Variants in CTNS observed in about 807,000 individuals in gnomAD.
CTNS encodes cystinosin.
A neutral mutation model predicts 43.7 loss-of-function variants in CTNS; 27 were observed. The ratio of observed to expected loss-of-function variants is 0.62; its 90% CI spans 0.46 to 0.85. The LOEUF is 0.85. Ranked by LOEUF, CTNS falls within the 40% of genes least tolerant of loss-of-function variation. The pLI is 0.00. For missense variants in CTNS, 457 were observed against 475.4 expected (o/e 0.96, Z 0.36); for synonymous variants, 187 against 190.6 (o/e 0.98, Z 0.16).
Position 3,660,513 on chromosome 17 carries a change from G to C in CTNS, c.*144G>C. ...CAGAGGAGACCACTCTGCTCCTGGG[G>C]CCAGAGGCCATTCAATAGCCTGCCT... On this transcript the variant is annotated 3_prime_UTR_variant, in exon 12 of 12. Transcript: ENST00000046640. 1.2e-6 allele frequency: 2 copies of C among 1,612,476 alleles called. No individual in the cohort carries two copies. The highest frequency in any genetic ancestry group is 2.2e-5 in the South Asian group (2 of 90,898).
Position 3,660,469 on chromosome 17 carries a change from G to T in CTNS, c.*100G>T, listed in dbSNP as rs2076259110. On this transcript the variant is annotated 3_prime_UTR_variant, in exon 12 of 12. Coordinates refer to ENST00000046640, the MANE Select transcript of CTNS (RefSeq NM_004937.3). ...GAAGCGGTTGGGCCCTGGCACACAG[G>T]GCTGGCTCAGTGTGCGGACAGAGGA... is the stretch of plus-strand genomic sequence containing the variant. 6.2e-7 allele frequency: 1 copy of T among 1,612,996 alleles called. No individual in the cohort carries two copies. The highest frequency in any genetic ancestry group is 2.2e-5 in the East Asian group (1 of 44,868).
At chr17:3,649,197 C>T (rs571302940) in intron 5 of CTNS, among the ~76,000 whole-genome samples, 1 of 152,138 alleles carries the variant, frequency 6.6e-6, no homozygotes, top group Non-Finnish European at 1.5e-5. Context: ...GCCTGTAATC[C>T]CAGCACTCTG....
chr17:3,661,244 A>G lies in CTNS; in HGVS notation c.*875A>G. On this transcript the variant is annotated 3_prime_UTR_variant, in exon 12 of 12. Transcript: ENST00000046640. The stretch of plus-strand genomic sequence containing the variant: ...CGACCAGCTCCCCTGGAGCGAGGGC[A>G]GGCCCCTTCCCTCTCTTTCCCCAGA... The G allele has an allele frequency of 5.1e-6, 1 of 197,242 alleles. No homozygotes were observed. Among genetic ancestry groups the G allele is most frequent in the Non-Finnish European group, 1.1e-5 (1 of 94,128 alleles). The allele number at this position is 197,242 out of a possible 1,614,324, so 12.2% of individuals were successfully genotyped here.
chr17:3,637,736 G>A (rs561558501), intron 2 of CTNS, among the ~76,000 whole-genome samples: 1 of 152,272 alleles, frequency 6.6e-6, no homozygotes, highest in East Asian at 1.9e-4. Context: ...CAAAGTGCTG[G>A]GATGACAGGC....
Position 3,658,185 on chromosome 17 carries a change from G to A in CTNS, c.852+10G>A, listed in dbSNP as rs893164410. The stretch of plus-strand genomic sequence containing the variant: ...CAAGTATTTTCCACAGGTACCTCCA[G>A]GGCCCTGTTCACATGGCCGGTGGCA... On this transcript the variant is annotated intron_variant, in intron 10 of 11. Transcript: ENST00000046640. 6.2e-7 allele frequency: 1 copy of A among 1,611,928 alleles called. No homozygotes were observed. Among genetic ancestry groups the A allele is most frequent in the Admixed American group, 1.7e-5 (1 of 60,022 alleles).
intron 3 of CTNS, among the ~76,000 whole-genome samples, chr17:3,646,076 C>T (rs866078237): frequency 2.6e-5 from 4 of 152,028 alleles, no homozygotes; most frequent in Non-Finnish European, 5.9e-5. Flanking sequence ...CCTGCTTCCC[C>T]GCCCGGCCTA....
Position 3,648,685 on chromosome 17 carries a change from T to C in CTNS, c.141-162T>C, listed in dbSNP as rs556571131. ...GTCTCCTGATTAAGACAGGAAGGCCTACGGGAGCACGATTTCCACCTGGCT... is the reference window on the plus strand; with the variant it reads ...GTCTCCTGATTAAGACAGGAAGGCCCACGGGAGCACGATTTCCACCTGGCT... On this transcript the variant is annotated intron_variant, in intron 4 of 11. Transcript: ENST00000046640. 4.6e-5 allele frequency among the ~76,000 whole-genome samples: 7 copies of C among 152,344 alleles called. No homozygotes were observed. In the East Asian group the frequency reaches 1.3e-3, roughly 29 times the overall value.
In CTNS at chr17:3,637,195, C is replaced by T. The variant is rs1168017280; in HGVS notation, c.-141C>T. On this transcript the variant is annotated 5_prime_UTR_variant, in exon 2 of 12. Transcript: ENST00000046640. ...TCCGGGGGACTGAGCAGCACGAGAC[C>T]CCATCCTCCCCTCCGGGTTTTCACA... The T allele has an allele frequency of 6.6e-6, 1 of 152,210 alleles. No homozygotes were observed. The highest frequency in any genetic ancestry group is 1.5e-5 in the Non-Finnish European group (1 of 68,040). The allele number at this position is 152,210 out of a possible 1,614,324, so 9.4% of individuals were successfully genotyped here.
rs58967606 is a variant in CTNS, at chr17:3,650,183, G to A, written c.225+1252G>A. 301 of 1,550,406 alleles carry A rather than the reference G, an allele frequency of 1.9e-4. 1 individual carries two copies. The African/African-American group carries it at 3.5e-3, about 18-fold the overall frequency. On this transcript the variant is annotated intron_variant, in intron 5 of 11. Transcript: ENST00000046640. ...TGATACCTTAATAAAGCTGGTGGAA[G>A]CAGGAGGAGAAGAATGCAGGGATGA...
chr17:3,650,839 G>C (rs1341241069), intron 5 of CTNS, among the ~76,000 whole-genome samples: 1 of 152,090 alleles, frequency 6.6e-6, no homozygotes, highest in Non-Finnish European at 1.5e-5. Context: ...GCTTCACTCT[G>C]TCGCCCAGGT....
At chr17:3,652,680 C>T (rs1423158706) in intron 5 of CTNS, among the ~76,000 whole-genome samples, 1 of 152,172 alleles carries the variant, frequency 6.6e-6, no homozygotes, top group Admixed American at 6.5e-5. Flanking sequence ...TGTCTTGTAT[C>T]GGTCAATCGA....
At position 3,655,066 on chromosome 17, in the gene CTNS, T is replaced by G. The variant is rs780354756; in HGVS notation, c.294T>G (p.Thr98=). The change falls in exon 6 of 12, where the codon ACT becomes ACG. Residue 98 remains threonine (T), a synonymous_variant. Coordinates refer to ENST00000046640, the MANE Select transcript of CTNS (RefSeq NM_004937.3). ...CATCTCAAAATGTTGGACAACTTACTGTTTATCTACATGGAAATCACTCCA... is the reference window on the plus strand; with the variant it reads ...CATCTCAAAATGTTGGACAACTTACGGTTTATCTACATGGAAATCACTCCA... ...QVTSQNVGQL[T]VYLHGNHSNQ... is the part of the protein sequence containing the mutation. 1.2e-6 allele frequency: 2 copies of G among 1,614,150 alleles called. No individual in the cohort carries two copies. Among genetic ancestry groups the G allele is most frequent in the Non-Finnish European group, 1.7e-6 (2 of 1,179,982 alleles).
intron 2 of CTNS, among the ~76,000 whole-genome samples, chr17:3,638,824 C>T (rs2075605048): frequency 6.6e-6 from 1 of 152,196 alleles, no homozygotes; most frequent in Non-Finnish European, 1.5e-5. Context: ...TCCATACACG[C>T]AGGAGGGCAA....
chr17:3,645,219 GAGGCTCCACATAAGGA>G (rs572455904), intron 3 of CTNS, among the ~76,000 whole-genome samples: 83 of 152,328 alleles, frequency 5.4e-4, no homozygotes, highest in Admixed American at 1.1e-3. Context: ...TCCAGGCTCT[GAGGCTCCACATAAGGA>G]AGGGACTGCC....
chr17:3,641,382 ATAT>A (rs1374940267), intron 3 of CTNS, among the ~76,000 whole-genome samples: 9 of 39,964 alleles, frequency 2.3e-4, no homozygotes, highest in African/African-American at 1.1e-3. Flanking sequence ...ATATATATAT[ATAT>A]TTTTTTTTTT....
rs976383818 is a variant in CTNS, at chr17:3,661,890, A to G, written c.*1521A>G. Among the ~76,000 whole-genome samples, 2 of 152,222 alleles carry G rather than the reference A, an allele frequency of 1.3e-5. No homozygotes were observed. The highest frequency in any genetic ancestry group is 2.9e-5 in the Non-Finnish European group (2 of 68,034). On this transcript the variant is annotated 3_prime_UTR_variant, in exon 12 of 12. Coordinates refer to ENST00000046640, the MANE Select transcript of CTNS (RefSeq NM_004937.3). ...CTCTATCTAGTTGTAACAAACGTCAAAGAATGTCAGGTCTTGTTTCTGCAG... is the reference window on the plus strand; with the variant it reads ...CTCTATCTAGTTGTAACAAACGTCAGAGAATGTCAGGTCTTGTTTCTGCAG...
rs773808648 is a variant in CTNS at position 3,658,112 on chromosome 17, G to A, written c.789G>A (p.Leu263=). The A allele has an allele frequency of 2.5e-6, 4 of 1,612,276 alleles. No homozygotes were observed. The stretch of plus-strand genomic sequence containing the variant: ...CTGCAGTGGGAGTGACCACGTGGCT[G>A]CAGTTTCTCTTCTGCTTCTCCTACA... ...IVAAVGVTTW[L]QFLFCFSYIK... Residue 263 remains leucine (L), a synonymous_variant, in exon 10 of 12, where the codon CTG becomes CTA. Transcript: ENST00000046640.
chr17:3,659,303 C>T (rs987952791), intron 10 of CTNS, among the ~76,000 whole-genome samples: 4 of 152,186 alleles, frequency 2.6e-5, no homozygotes, highest in African/African-American at 9.7e-5. Context: ...CCCGCCCCCC[C>T]AACCAGACCC....
intron 3 of CTNS, among the ~76,000 whole-genome samples, chr17:3,645,989 G>A (rs1006754637): frequency 6.6e-6 from 1 of 151,616 alleles, no homozygotes; most frequent in African/African-American, 2.4e-5. Context: ...GGGTCTGAGT[G>A]ACGGGGTCTG....
Sources: allele counts gnomAD v4.1 joint callset (sites outside exome capture counted in the v4.1 genomes callset), GRCh38; gene constraint gnomAD v4.1.1; transcripts MANE v1.5; gene names NCBI Gene and HGNC (gene_info 2026-07-23, HGNC 2026-07-21).